The following UNC13C variants were observed in gnomAD, a reference collection of about 807,000 sequenced individuals.
UNC13C encodes the protein unc-13 homolog C.
In UNC13C, 174 loss-of-function variants were observed where a neutral mutation model predicts 245.4. The ratio of observed to expected loss-of-function variants is 0.71; its 90% CI spans 0.63 to 0.80. The LOEUF (loss-of-function observed/expected upper bound fraction) is 0.80, where lower values mean the gene tolerates loss of function less well. Ranked by LOEUF, UNC13C falls within the 30% of genes least tolerant of loss-of-function variation. The pLI, the probability that UNC13C is intolerant of heterozygous loss-of-function variation, is 0.00. For synonymous variants in UNC13C, 992 were observed against 895.1 expected (o/e 1.11, Z -1.93); for missense variants, 2,829 against 2,602.9 (o/e 1.09, Z -1.89).
At chr15:54,529,605 G>A (rs999521008) in intron 25 of UNC13C, among the ~76,000 whole-genome samples, 2 of 152,132 alleles carry the variant, frequency 1.3e-5, no homozygotes, top group African/African-American at 4.8e-5. Context: ...ATAAATAAAT[G>A]TGTATACTTT....
intron 4 of UNC13C, among the ~76,000 whole-genome samples, chr15:54,152,620 C>A (rs942804237): frequency 6.6e-6 from 1 of 152,182 alleles, no homozygotes. Flanking sequence ...GTGTTTGAGT[C>A]GTCAGTCTTA....
chr15:53,863,746 A>G, the UNC13C span, among the ~76,000 whole-genome samples: 1 of 152,214 alleles, frequency 6.6e-6, no homozygotes, highest in Non-Finnish European at 1.5e-5. Context: ...GATGCTATGT[A>G]TTATGTATGC....
Position 54,322,085 on chromosome 15 carries a change from C to T in UNC13C, c.4415C>T (p.Thr1472Ile), listed in dbSNP as rs770434036. 9.5e-6 allele frequency: 15 copies of T among 1,572,594 alleles called. No individual in the cohort carries two copies. Among genetic ancestry groups the T allele is most frequent in the Non-Finnish European group, 1.3e-5 (15 of 1,159,560 alleles). Residue 1472 changes from threonine to isoleucine, a missense_variant, in exon 14 of 33, where the codon ACC becomes ATC. Transcript: ENST00000260323. Reference sequence around the variant, plus strand: ...TCTGCCTCAGATCGATTTGCTGCTACCAACTTTGGTGTAAGTATAATTTTT... The same window carrying T: ...TCTGCCTCAGATCGATTTGCTGCTATCAACTTTGGTGTAAGTATAATTTTT... ...QVSASDRFAA[T>I]NFGREKFIKL...
At chr15:54,373,322 C>T (rs1017344649) in intron 17 of UNC13C, among the ~76,000 whole-genome samples, 3 of 152,180 alleles carry the variant, frequency 2.0e-5, no homozygotes, top group East Asian at 3.9e-4. Flanking sequence ...GAGTTTTGCT[C>T]GAGCCCACTG....
intron 4 of UNC13C, among the ~76,000 whole-genome samples, chr15:54,185,812 C>A (rs1443855753): frequency 6.6e-6 from 1 of 150,780 alleles, no homozygotes; most frequent in African/African-American, 2.5e-5. Flanking sequence ...TGAAGAAAGT[C>A]ACTGGTAGCT....
chr15:53,976,475 CTCTTT>C (rs1449493716), upstream of UNC13C, among the ~76,000 whole-genome samples: 652 of 63,664 alleles, frequency 0.01, 4 homozygotes, highest in African/African-American at 0.03. Flanking sequence ...CTCTCTCTCT[CTCTTT>C]TTTTTTTTTT....
At chr15:54,313,326 C>T (rs79386345) in intron 13 of UNC13C, among the ~76,000 whole-genome samples, 14,534 of 151,768 alleles carry the variant, frequency 0.096, 819 homozygotes, top group Middle Eastern at 0.15. Flanking sequence ...TCTAACTCTA[C>T]ATCAATACCT....
At chr15:54,620,518 GTTACTCGTGCTGCGAGAAAA>G (rs1333329139) in intron 30 of UNC13C, among the ~76,000 whole-genome samples, 4 of 152,092 alleles carry the variant, frequency 2.6e-5, no homozygotes, top group Non-Finnish European at 5.9e-5. Flanking sequence ...TACTGTATTA[GTTACTCGTGCTGCGAGAAAA>G]TTACTCATTT....
chr15:54,048,488 G>A, intron 2 of UNC13C: 2 of 605,618 alleles, frequency 3.3e-6, no homozygotes. Context: ...TGCTATTTCA[G>A]CCTCCTGTAT....
intron 1 of UNC13C, among the ~76,000 whole-genome samples, chr15:54,008,327 C>A (rs1895234363): frequency 6.6e-6 from 1 of 152,082 alleles, no homozygotes; most frequent in East Asian, 1.9e-4. Context: ...GCTTGAGTCA[C>A]TTTATCTGGA....
intron 4 of UNC13C, among the ~76,000 whole-genome samples, chr15:54,214,024 T>G (rs147448239): frequency 2.0e-5 from 3 of 152,104 alleles, no homozygotes; most frequent in African/African-American, 7.2e-5. Context: ...CACTACAAAT[T>G]ATTATATCTT....
At chr15:54,290,988 C>G (rs2037282285) in intron 10 of UNC13C, among the ~76,000 whole-genome samples, 1 of 152,020 alleles carries the variant, frequency 6.6e-6, no homozygotes, top group Non-Finnish European at 1.5e-5. Context: ...AAGATGATAA[C>G]TGTATCTTTT....
chr15:54,353,616 A>G (rs181231780), intron 17 of UNC13C, among the ~76,000 whole-genome samples: 5 of 152,282 alleles, frequency 3.3e-5, no homozygotes, highest in African/African-American at 2.4e-5. Flanking sequence ...GCCTAAACCA[A>G]TGGTCAATCA....
intron 1 of UNC13C, among the ~76,000 whole-genome samples, chr15:54,006,038 T>C (rs1199828351): frequency 6.6e-6 from 1 of 152,204 alleles, no homozygotes; most frequent in African/African-American, 2.4e-5. Flanking sequence ...AAAATAATTT[T>C]AGAGTTAGGC....
chr15:54,453,510 C>T (rs1408219237), intron 19 of UNC13C, among the ~76,000 whole-genome samples: 1 of 152,168 alleles, frequency 6.6e-6, no homozygotes, highest in Non-Finnish European at 1.5e-5. Flanking sequence ...TTTAACTACA[C>T]CCTATATTTG....
intron 13 of UNC13C, among the ~76,000 whole-genome samples, chr15:54,309,462 C>T (rs1374235823): frequency 6.6e-6 from 1 of 151,840 alleles, no homozygotes; most frequent in Admixed American, 6.6e-5. Context: ...GGTGGCTCCT[C>T]ACTTTGTTGA....
chr15:54,050,766 C>T lies in UNC13C; in HGVS notation c.2983+34880C>T, dbSNP rs1363111694. The T allele has an allele frequency of 8.5e-6, 5 of 584,802 alleles. No homozygotes were observed. In the East Asian group the frequency reaches 2.3e-4, roughly 27 times the overall value. 36.2% of individuals were successfully genotyped at this position (584,802 alleles called of 1,614,324 possible). On this transcript the variant is annotated intron_variant, in intron 2 of 32. Transcript: ENST00000260323. ...CCACTAGTGAACAAGTTCCTCTTCA[C>T]TATCTGGTGATCATCACTATATGAA...
intron 17 of UNC13C, among the ~76,000 whole-genome samples, chr15:54,348,001 T>G (rs2140835157): frequency 6.6e-6 from 1 of 152,328 alleles, no homozygotes; most frequent in South Asian, 2.1e-4. Flanking sequence ...GTATTATTGT[T>G]GTATATACTA....
At chr15:54,177,080 G>T (rs1207765623) in intron 4 of UNC13C, among the ~76,000 whole-genome samples, 1 of 151,988 alleles carries the variant, frequency 6.6e-6, no homozygotes, top group Non-Finnish European at 1.5e-5. Flanking sequence ...AAAACCTAAA[G>T]TGTTTCAAAG....
Sources: gnomAD v4.1 joint callset for allele counts (sites outside exome capture counted in the v4.1 genomes callset) on GRCh38, gnomAD v4.1.1 for gene constraint, MANE v1.5 for transcripts, NCBI Gene and HGNC (gene_info 2026-07-23, HGNC 2026-07-21) for gene names.